DSCC1: variants seen among roughly 807,000 people sequenced by gnomAD.
DSCC1 encodes the protein DNA replication and sister chromatid cohesion 1.
DSCC1 carries 32 observed loss-of-function variants against 48.2 expected under a neutral mutation model. The observed-to-expected ratio is 0.66, with a 90% confidence interval of 0.50 to 0.89. The LOEUF is 0.89. DSCC1 is among the 40% of genes least tolerant of loss of function. The pLI is 0.00. For missense variants in DSCC1, 421 were observed against 471.7 expected (o/e 0.89, Z 1.00); for synonymous variants, 150 against 171.5 (o/e 0.87, Z 0.98).
At chr8:119,849,891 A>G (rs34666638) in intron 3 of DSCC1, among the ~76,000 whole-genome samples, 4,232 of 152,224 alleles carry the variant, frequency 0.028, 95 homozygotes, top group Admixed American at 0.049. Context: ...AAATTTTAAA[A>G]CTGTTTTTTA....
chr8:119,848,408 G>A (rs543227667), intron 3 of DSCC1, among the ~76,000 whole-genome samples: 11 of 152,086 alleles, frequency 7.2e-5, no homozygotes, highest in Non-Finnish European at 1.5e-4. Flanking sequence ...TAAAGAATTC[G>A]CTTACAACTC....
At position 119,855,874 on chromosome 8, in the gene DSCC1, C is replaced by G. The variant is rs1000410274; in HGVS notation, c.-79G>C. Reference sequence around the variant, plus strand: ...GGCAAGAAAGAAGTTCCCAAGCAGCCGGAAGGTAGGAAACCTGAGCGTTTG... The same window carrying G: ...GGCAAGAAAGAAGTTCCCAAGCAGCGGGAAGGTAGGAAACCTGAGCGTTTG... On this transcript the variant is annotated 5_prime_UTR_variant, in exon 1 of 9. Coordinates refer to ENST00000313655, the MANE Select transcript of DSCC1 (RefSeq NM_024094.3). 6.5e-6 allele frequency: 9 copies of G among 1,388,912 alleles called. No individual in the cohort carries two copies. Among genetic ancestry groups the G allele is most frequent in the Non-Finnish European group, 8.4e-6 (9 of 1,069,426 alleles). The allele number at this position is 1,388,912 out of a possible 1,614,324, so 86.0% of individuals were successfully genotyped here.
chr8:119,855,663 G>C lies in DSCC1; in HGVS notation c.133C>G (p.Leu45Val), dbSNP rs1358932552. 34 of 1,548,884 alleles carry C rather than the reference G, an allele frequency of 2.2e-5. No homozygotes were observed. The highest frequency in any genetic ancestry group is 3.0e-5 in the Non-Finnish European group (34 of 1,147,184). ...CACAGCGTGGGCTCCAGCTCCAGCA[G>C]GCAGAAGTCGCCGGCTGCAGCGCCG... ...ASGAAAGDFC[L>V]LELEPTLCQQ... Residue 45 changes from leucine to valine, a missense_variant, in exon 1 of 9, where the codon CTG (leucine) becomes GTG (valine). By Grantham distance (32) the Leu-to-Val change is conservative. This residue lies in a region of DSCC1 where 174 missense variants were observed against 184.5 expected (regional missense o/e 0.94). Transcript: ENST00000313655.
At chr8:119,855,584 G>A (rs1827005266) in intron 1 of DSCC1, 30 bp downstream of exon 1, 3 of 1,528,578 alleles carry the variant, frequency 2.0e-6, no homozygotes, top group Non-Finnish European at 2.6e-6. Context: ...GCCGGCCAGA[G>A]GCTGGGGGCG....
At chr8:119,843,114 A>ATTTTTT (rs1250002149) in intron 5 of DSCC1, among the ~76,000 whole-genome samples, 1 of 143,708 alleles carries the variant, frequency 7.0e-6, no homozygotes. Context: ...TGTTTGTTTT[A>ATTTTTT]TTTTATTTTT....
At position 119,847,044 on chromosome 8, in the gene DSCC1, T is replaced by G; in HGVS notation, c.523A>C (p.Ser175Arg). Residue 175 changes from serine (S) to arginine (R), a missense_variant, in exon 4 of 9, where the codon AGT (serine) becomes CGT (arginine). Transcript: ENST00000313655. ...TEDLLDQIQA[S>R]EEEIMTQLQV... ...AATTGGGTCATTATTTCTTCCTCAC[T>G]TGCCTGAATTTGATCAAGCAAATCT... is the stretch of plus-strand genomic sequence containing the variant. The G allele has an allele frequency of 6.2e-7, 1 of 1,613,616 alleles. No homozygotes were observed. The highest frequency in any genetic ancestry group is 8.5e-7 in the Non-Finnish European group (1 of 1,180,002).
At chr8:119,844,435 CAAAA>C (rs71571634) in intron 4 of DSCC1, among the ~76,000 whole-genome samples, 8 of 103,900 alleles carry the variant, frequency 7.7e-5, no homozygotes, top group Non-Finnish European at 1.4e-4. Flanking sequence ...AGACTGTCTC[CAAAA>C]AAAAAAAAAA....
chr8:119,835,112 CG>C (rs1295907889), intron 8 of DSCC1, 111 bp from the exon 9 acceptor site: 28 of 727,250 alleles, frequency 3.9e-5, no homozygotes, highest in Admixed American at 1.0e-4. Flanking sequence ...TCTCAACAAG[CG>C]TAAGTGTAGG....
At chr8:119,835,244 C>T (rs998085782) in intron 8 of DSCC1, among the ~76,000 whole-genome samples, 4 of 152,238 alleles carry the variant, frequency 2.6e-5, no homozygotes, top group South Asian at 2.1e-4. Flanking sequence ...GGGTGGCTCA[C>T]GCCTGTAATC....
intron 8 of DSCC1, among the ~76,000 whole-genome samples, chr8:119,836,138 C>T (rs988319766): frequency 1.3e-5 from 2 of 152,194 alleles, no homozygotes; most frequent in Admixed American, 6.6e-5. Flanking sequence ...CATGGTGAAA[C>T]CCTGTCTCTA....
chr8:119,842,016 T>G (rs1826779112), intron 6 of DSCC1, 68 bp from the exon 7 acceptor site: 7 of 1,515,658 alleles, frequency 4.6e-6, no homozygotes, highest in Non-Finnish European at 6.3e-6. Context: ...AACATTTCCT[T>G]TTCTTTGCTG....
At chr8:119,843,229 C>T (rs1196216411) in intron 5 of DSCC1, among the ~76,000 whole-genome samples, 1 of 151,598 alleles carries the variant, frequency 6.6e-6, no homozygotes, top group African/African-American at 2.4e-5. Context: ...GCTGGGACTA[C>T]AGGCACACGG....
At chr8:119,851,724 C>T (rs569204630) in intron 2 of DSCC1, among the ~76,000 whole-genome samples, 7 of 152,120 alleles carry the variant, frequency 4.6e-5, no homozygotes, top group Non-Finnish European at 1.0e-4. Flanking sequence ...CTCCGTTACT[C>T]CTGGGTATCT....
intron 8 of DSCC1, among the ~76,000 whole-genome samples, chr8:119,836,853 G>T (rs1173816970): frequency 6.6e-6 from 1 of 151,880 alleles, no homozygotes; most frequent in Non-Finnish European, 1.5e-5. Flanking sequence ...AGATTGAGAA[G>T]AAGAACAGGG....
intron 3 of DSCC1, among the ~76,000 whole-genome samples, chr8:119,848,906 C>T (rs1000147787): frequency 3.3e-5 from 5 of 151,654 alleles, no homozygotes; most frequent in African/African-American, 7.3e-5. Flanking sequence ...CCTGGCCGGC[C>T]GGGCGCGGTG....
At chr8:119,846,965 T>A (rs777597722) in intron 4 of DSCC1, 25 bp downstream of exon 4, 1 of 1,604,378 alleles carries the variant, frequency 6.2e-7, no homozygotes, top group Admixed American at 1.7e-5. Flanking sequence ...TTCATCATTG[T>A]TAAAATAGTA....
At chr8:119,845,974 G>A (rs1826850616) in intron 4 of DSCC1, among the ~76,000 whole-genome samples, 1 of 152,030 alleles carries the variant, frequency 6.6e-6, no homozygotes, top group Non-Finnish European at 1.5e-5. Flanking sequence ...ATTTTGCTAG[G>A]AGTTCAAGGA....
At chr8:119,840,575 A>G (rs529904529) in intron 7 of DSCC1, among the ~76,000 whole-genome samples, 1 of 152,336 alleles carries the variant, frequency 6.6e-6, no homozygotes, top group South Asian at 2.1e-4. Context: ...AGGCCAAGAC[A>G]TGAATTCTGA....
intron 3 of DSCC1, among the ~76,000 whole-genome samples, chr8:119,848,781 C>T (rs910870905): frequency 3.3e-5 from 5 of 152,134 alleles, no homozygotes; most frequent in Non-Finnish European, 7.4e-5. Flanking sequence ...AGATACTATT[C>T]AGCAACAAAA....
Sources: gnomAD v4.1 joint callset for allele counts (sites outside exome capture counted in the v4.1 genomes callset) on GRCh38, gnomAD v4.1.1 for gene constraint, gnomAD v4.1.1 regional missense constraint, MANE v1.5 for transcripts, NCBI Gene and HGNC (gene_info 2026-07-23, HGNC 2026-07-21) for gene names.